SPTA1: variants seen among roughly 807,000 people sequenced by gnomAD.
The protein encoded by SPTA1 is spectrin alpha, erythrocytic 1.
A neutral mutation model predicts 324.7 loss-of-function variants in SPTA1; 177 were observed. The observed-to-expected ratio is 0.55, with a 90% CI of 0.48 to 0.62. The LOEUF (loss-of-function observed/expected upper bound fraction) is 0.62, where lower values mean the gene tolerates loss of function less well. Among genes scored for constraint, SPTA1 ranks in the 20% least tolerant of loss-of-function variants. The pLI, the probability that SPTA1 is intolerant of heterozygous loss-of-function variation, is 0.00. For synonymous variants in SPTA1, 1,195 were observed against 1,041.3 expected (o/e 1.15, Z -2.84); for missense variants, 3,162 against 2,883.6 (o/e 1.10, Z -2.21).
chr1:158,685,335 T>G lies in SPTA1; in HGVS notation c.37A>C (p.Ser13Arg), dbSNP rs771821343. 6.2e-7 allele frequency: 1 copy of G among 1,613,566 alleles called. No homozygotes were observed. The highest frequency in any genetic ancestry group is 2.2e-5 in the East Asian group (1 of 44,874). Residue 13 changes from serine (S) to arginine (R), a missense_variant, in exon 2 of 52, where the codon AGT becomes CGT. Coordinates refer to ENST00000643759, the MANE Select transcript of SPTA1 (RefSeq NM_003126.4). ...GCTGTTTCCAAAACCTTTGGCCCAC[T>G]GCTCTCCACAACCTGCAAGTTAAAA... ...QFPKETVVES[S>R]GPKVLETAEE...
chr1:158,653,545 T>G, intron 21 of SPTA1, 120 bp from the exon 22 acceptor site: 1 of 1,337,502 alleles, frequency 7.5e-7, no homozygotes. Flanking sequence ...AAGCTAACCA[T>G]GTCTAATGAG....
At chr1:158,682,041 A>C (rs557207806) in intron 3 of SPTA1, among the ~76,000 whole-genome samples, 16 of 152,208 alleles carry the variant, frequency 1.1e-4, no homozygotes, top group South Asian at 2.1e-4. Context: ...AAGAGCAAAC[A>C]GCAATAGCAA....
intron 39 of SPTA1, among the ~76,000 whole-genome samples, chr1:158,632,977 C>T (rs2101798241): frequency 6.6e-6 from 1 of 152,278 alleles, no homozygotes; most frequent in Admixed American, 6.5e-5. Context: ...TATACCACGA[C>T]ACTGCTCAGA....
In SPTA1 at chr1:158,678,431, G is replaced by C. The variant is rs1486397669; in HGVS notation, c.782C>G (p.Ser261Cys). The change falls in exon 6 of 52, where the codon TCC becomes TGC. Residue 261 changes from serine (S) to cysteine (C), a missense_variant. Transcript: ENST00000643759. ...GAATCGTTGTAAGTTTGCAGCATTG[G>C]ACAGAGCTTTCTGTCTCTGGAGAGC... Reference protein sequence around the residue: ...GLALQRQKALSNAANLQRFKR... With the variant: ...GLALQRQKALCNAANLQRFKR... 1.2e-6 allele frequency: 2 copies of C among 1,613,610 alleles called. No individual in the cohort carries two copies. Among genetic ancestry groups the C allele is most frequent in the Admixed American group, 3.3e-5 (2 of 59,958 alleles).
At chr1:158,626,812 A>AG (rs1650303296) in intron 41 of SPTA1, 27 bp downstream of exon 41, 1 of 1,613,096 alleles carries the variant, frequency 6.2e-7, no homozygotes, top group Admixed American at 1.7e-5. Context: ...CTCAAACCCA[A>AG]GGGACCCTGA....
At chr1:158,616,354 A>G (rs115898493) in intron 47 of SPTA1, among the ~76,000 whole-genome samples, 3,671 of 152,140 alleles carry the variant, frequency 0.024, 155 homozygotes, top group African/African-American at 0.083. Flanking sequence ...TATTTCTTCT[A>G]TCAAACTGTA....
chr1:158,661,857 T>G (rs1653242600), intron 17 of SPTA1, among the ~76,000 whole-genome samples: 1 of 152,230 alleles, frequency 6.6e-6, no homozygotes, highest in South Asian at 2.1e-4. Context: ...TTTGAAGATC[T>G]ATTTGTAATC....
intron 16 of SPTA1, among the ~76,000 whole-genome samples, chr1:158,664,522 C>T (rs751311005): frequency 1.1e-4 from 16 of 152,046 alleles, no homozygotes; most frequent in South Asian, 2.1e-4. Flanking sequence ...ACACCGGGGC[C>T]TGTCGAGGAC....
rs1225714660 is a variant in SPTA1 at position 158,669,542 on chromosome 1, G to C, written c.1699C>G (p.Leu567Val). 6.2e-7 allele frequency: 1 copy of C among 1,613,966 alleles called. No individual in the cohort carries two copies. The highest frequency in any genetic ancestry group is 8.5e-7 in the Non-Finnish European group (1 of 1,180,000). Residue 567 changes from leucine to valine, a missense_variant, in exon 14 of 52, where the codon CTA (leucine) becomes GTA (valine). Transcript: ENST00000643759. ...CGTCTAGTGGCAGCCTTTTCACGTA[G>C]GGCATCCCGCCGGGCTAACAGCTGC... ...RDGLLARRDALREKAATRRRL... is the reference protein window; with the variant it reads ...RDGLLARRDAVREKAATRRRL...
At chr1:158,624,939 T>C (rs560423441) in intron 42 of SPTA1, among the ~76,000 whole-genome samples, 2 of 152,348 alleles carry the variant, frequency 1.3e-5, no homozygotes, top group African/African-American at 4.8e-5. Context: ...AGGTGAGTCT[T>C]CAAAGAAATT....
intron 6 of SPTA1, 139 bp from the exon 7 acceptor site, chr1:158,677,973 A>G: frequency 9.3e-7 from 1 of 1,071,464 alleles, no homozygotes. Flanking sequence ...AGCAAAAAGT[A>G]ATATAAAATG....
rs1344907908 is a variant in SPTA1 at position 158,669,428 on chromosome 1, C to T, written c.1813G>A (p.Ala605Thr). The T allele has an allele frequency of 3.1e-6, 5 of 1,614,104 alleles. No individual in the cohort carries two copies. The highest frequency in any genetic ancestry group is 2.2e-5 in the East Asian group (1 of 44,880). Residue 605 changes from alanine to threonine, a missense_variant, in exon 14 of 52, where the codon GCA (alanine) becomes ACA (threonine). Ala to Thr is a moderately conservative substitution (Grantham distance 58). Coordinates refer to ENST00000643759, the MANE Select transcript of SPTA1 (RefSeq NM_003126.4). ...CCTACCTTGTAATCTTCATCATCTG[C>T]CAACTTTTTCTTCTTGTTGATCCAG... is the stretch of plus-strand genomic sequence containing the variant. ...KNWINKKKKL[A>T]DDEDYKDIQN...
chr1:158,679,014 T>C (rs1010897223), intron 5 of SPTA1, among the ~76,000 whole-genome samples: 3 of 152,200 alleles, frequency 2.0e-5, no homozygotes, highest in South Asian at 4.1e-4. Context: ...CTTTCACGTA[T>C]GATTTTGCAT....
Position 158,611,352 on chromosome 1 carries a change from T to C in SPTA1, c.7172A>G (p.His2391Arg), listed in dbSNP as rs1236283050. ...CCGTGGGTCCATATATTGCTGCATA[T>C]GTGTGGCACAGAATGACACTTGCTC... ...TPEQVSFCAT[H>R]MQQYMDPRGR... The change falls in exon 52 of 52, where the codon CAT (histidine) becomes CGT (arginine). Residue 2391 changes from histidine (H) to arginine (R), a missense_variant. Coordinates refer to ENST00000643759, the MANE Select transcript of SPTA1 (RefSeq NM_003126.4). 1.2e-6 allele frequency: 2 copies of C among 1,613,784 alleles called. No individual in the cohort carries two copies. Among genetic ancestry groups the C allele is most frequent in the Non-Finnish European group, 1.7e-6 (2 of 1,179,762 alleles).
At chr1:158,662,991 A>G (rs781225716) in intron 16 of SPTA1, 46 bp from the exon 17 acceptor site, 3 of 1,611,404 alleles carry the variant, frequency 1.9e-6, no homozygotes, top group South Asian at 2.2e-5. Context: ...ATCATTTAGT[A>G]GGAAGTAATA....
intron 29 of SPTA1, among the ~76,000 whole-genome samples, chr1:158,644,852 T>C (rs185187768): frequency 1.3e-5 from 2 of 152,356 alleles, no homozygotes; most frequent in East Asian, 3.9e-4. Flanking sequence ...AATGGGAAAC[T>C]ATCTTACTAA....
At position 158,635,926 on chromosome 1, in the gene SPTA1, A is replaced by G. The variant is rs749609867; in HGVS notation, c.5419T>C (p.Leu1807=). The G allele has an allele frequency of 7.4e-6, 12 of 1,613,874 alleles. No homozygotes were observed. The highest frequency in any genetic ancestry group is 1.0e-5 in the Non-Finnish European group (12 of 1,179,980). The part of the protein sequence containing the change: ...FVEHWEKLKE[L]AKARGLKLEE... ...TATCCCACTCACCGGGCCTTGGCCA[A>G]CTCTTTGAGCTTCTCCCAGTGTTCA... Residue 1807 remains leucine (L), a synonymous_variant, in exon 38 of 52, where the codon TTG becomes CTG. Transcript: ENST00000643759.
chr1:158,625,280 A>G (rs1393040063), intron 42 of SPTA1, among the ~76,000 whole-genome samples: 1 of 152,224 alleles, frequency 6.6e-6, no homozygotes, highest in East Asian at 1.9e-4. Context: ...GTAATTCAAG[A>G]TAAAGAGGAA....
chr1:158,615,721 G>A (rs202109740), intron 47 of SPTA1, among the ~76,000 whole-genome samples: 21 of 120,672 alleles, frequency 1.7e-4, no homozygotes, highest in Non-Finnish European at 3.0e-4. Context: ...CTATCTATCT[G>A]TCTGTCTATC....
Sources: gnomAD v4.1 joint callset for allele counts (sites outside exome capture counted in the v4.1 genomes callset) on GRCh38, gnomAD v4.1.1 for gene constraint, MANE v1.5 for transcripts, NCBI Gene and HGNC (gene_info 2026-07-23, HGNC 2026-07-21) for gene names.